The following IKZF1 variants were observed in gnomAD, a reference collection of about 807,000 sequenced individuals.
IKZF1 encodes IKAROS family zinc finger 1, also known as DNA-binding protein Ikaros.
Under a neutral mutation model 51.7 loss-of-function variants are expected in IKZF1, and 10 were observed. The observed-to-expected ratio is 0.19, with a 90% CI of 0.12 to 0.33. The LOEUF is 0.33. Ranked by LOEUF, IKZF1 falls within the 10% of genes least tolerant of loss-of-function variation. IKZF1 has a pLI of 1.00. For missense variants in IKZF1, 484 were observed against 707.5 expected, an observed-to-expected ratio of 0.68 and a Z score of 3.58; for synonymous variants, 280 against 282.3, an observed-to-expected ratio of 0.99 and a Z score of 0.08.
chr7:50,389,633 T>A (rs76739854), intron 6 of IKZF1, among the ~76,000 whole-genome samples: 368 of 152,340 alleles, frequency 2.4e-3, no homozygotes, highest in African/African-American at 8.5e-3. Context: ...ATCATAAATA[T>A]CTTTCGACAG....
At chr7:50,339,569 T>C (rs1290423414) in intron 3 of IKZF1, among the ~76,000 whole-genome samples, 2 of 151,662 alleles carry the variant, frequency 1.3e-5, no homozygotes, top group African/African-American at 2.4e-5. Context: ...GCCAATATGG[T>C]GAAACCCCAT....
chr7:50,314,364 C>G (rs1790957464), intron 1 of IKZF1, among the ~76,000 whole-genome samples: 1 of 152,202 alleles, frequency 6.6e-6, no homozygotes. Flanking sequence ...CCTGCCTCGG[C>G]CTCCCAAAGT....
At chr7:50,386,214 G>T (rs1031672986) in intron 5 of IKZF1, among the ~76,000 whole-genome samples, 53 of 152,176 alleles carry the variant, frequency 3.5e-4, no homozygotes, top group African/African-American at 1.3e-3. Context: ...ATTAATTCCT[G>T]GCTAGTCTTT....
chr7:50,385,225 GA>G (rs1813014606), intron 5 of IKZF1, among the ~76,000 whole-genome samples: 3 of 152,086 alleles, frequency 2.0e-5, no homozygotes, highest in African/African-American at 2.4e-5. Flanking sequence ...TGCTCTTGGG[GA>G]AAAAAACAGT....
At chr7:50,388,916 G>A (rs1470155784) in intron 6 of IKZF1, among the ~76,000 whole-genome samples, 3 of 152,084 alleles carry the variant, frequency 2.0e-5, no homozygotes, top group South Asian at 4.1e-4. Context: ...TATTCACTGA[G>A]GACTTATAAT....
In IKZF1 at chr7:50,401,664, C is replaced by T. The variant is rs1480517732; in HGVS notation, c.*1037C>T. The T allele has an allele frequency of 4.6e-6, 1 of 219,076 alleles. No individual in the cohort carries two copies. Among genetic ancestry groups the T allele is most frequent in the East Asian group, 6.7e-5 (1 of 15,036 alleles). 13.6% of individuals were successfully genotyped at this position (219,076 alleles called of 1,614,324 possible). On this transcript the variant is annotated 3_prime_UTR_variant, in exon 8 of 8. Transcript: ENST00000331340. ...TCCTAGCCCTCATTTTAATTATGTA[C>T]ATCTGTTTGTAGCCACAAGCCTGAA...
chr7:50,361,739 G>A (rs577556816), intron 3 of IKZF1, among the ~76,000 whole-genome samples: 1 of 152,146 alleles, frequency 6.6e-6, no homozygotes, highest in Non-Finnish European at 1.5e-5. Flanking sequence ...AGCTGGGCAT[G>A]GTGGTGCGCG....
Position 50,396,146 on chromosome 7 carries a change from T to G in IKZF1, c.851-3772T>G, listed in dbSNP as rs181727080. 4.6e-5 allele frequency among the ~76,000 whole-genome samples: 7 copies of G among 152,262 alleles called. No homozygotes were observed. In the East Asian group the frequency reaches 1.2e-3, roughly 25 times the overall value. On this transcript the variant is annotated intron_variant, in intron 7 of 7. Transcript: ENST00000331340. ...GGAAATTCTCTTTTATATAAATATG[T>G]TTTGTTCCATCTATTGTGATCTCTG...
chr7:50,319,066 A>G lies in IKZF1; in HGVS notation c.5A>G (p.Asp2Gly). ...TTCTCAGATAACCTGAGGACCATGG[A>G]TGCTGATGAGGGTCAAGACATGTCC... M[D>G]ADEGQDMSQV... Residue 2 changes from aspartate to glycine, a missense_variant, in exon 2 of 8, where the codon GAT becomes GGT. By Grantham distance (94) the Asp-to-Gly change is moderately conservative (BLOSUM62 -1). This residue lies in a region of IKZF1 where 118 missense variants were observed against 138.4 expected (regional missense o/e 0.85). Coordinates refer to ENST00000331340, the MANE Select transcript of IKZF1 (RefSeq NM_006060.6). The G allele has an allele frequency of 6.2e-7, 1 of 1,613,188 alleles. No homozygotes were observed. Among genetic ancestry groups the G allele is most frequent in the Non-Finnish European group, 8.5e-7 (1 of 1,179,210 alleles).
intron 1 of IKZF1, among the ~76,000 whole-genome samples, chr7:50,310,409 A>T (rs976698756): frequency 2.0e-5 from 3 of 152,232 alleles, no homozygotes; most frequent in African/African-American, 7.2e-5. Flanking sequence ...TCTCTTATGG[A>T]CAGGAGCATT....
chr7:50,351,975 A>C (rs2153431704), intron 3 of IKZF1, among the ~76,000 whole-genome samples: 1 of 152,344 alleles, frequency 6.6e-6, no homozygotes, highest in South Asian at 2.1e-4. Context: ...CAGGGAGTTA[A>C]TTTGTGGGCA....
chr7:50,392,793 G>C (rs1416805426), intron 7 of IKZF1, among the ~76,000 whole-genome samples: 1 of 152,206 alleles, frequency 6.6e-6, no homozygotes, highest in African/African-American at 2.4e-5. Context: ...CATTCTAGGT[G>C]TTGGAGGAAT....
intron 7 of IKZF1, 52 bp downstream of exon 7, chr7:50,391,915 A>T: frequency 6.4e-7 from 1 of 1,561,060 alleles, no homozygotes; most frequent in Non-Finnish European, 8.7e-7. Context: ...TGGGTGTTTT[A>T]GATGCAAGTA....
At chr7:50,332,919 A>G (rs955735747) in intron 3 of IKZF1, among the ~76,000 whole-genome samples, 16 of 152,124 alleles carry the variant, frequency 1.1e-4, no homozygotes, top group African/African-American at 1.7e-4. Context: ...GGGGATCGCC[A>G]TGGTTTCATG....
Position 50,327,731 on chromosome 7 carries a change from A to C in IKZF1, c.134A>C (p.Gln45Pro). 1 of 1,613,454 alleles carries C rather than the reference A, an allele frequency of 6.2e-7. No individual in the cohort carries two copies. The highest frequency in any genetic ancestry group is 2.2e-5 in the East Asian group (1 of 44,864). Residue 45 changes from glutamine to proline, a missense_variant, in exon 3 of 8, where the codon CAA becomes CCA. Around this residue, in one of 6 missense-constraint regions of IKZF1, gnomAD observed 118 missense variants for 138.4 expected, o/e 0.85. Coordinates refer to ENST00000331340, the MANE Select transcript of IKZF1 (RefSeq NM_006060.6). ...CTCTCCACCACCTCGGGAGGACAGC[A>C]AAGCTCCAAGAGTGACAGAGTCGTG... Reference protein sequence around the residue: ...EDLSTTSGGQQSSKSDRVVAS... With the variant: ...EDLSTTSGGQPSSKSDRVVAS...
At chr7:50,384,303 AC>A (rs1812724043) in intron 5 of IKZF1, among the ~76,000 whole-genome samples, 1 of 152,204 alleles carries the variant, frequency 6.6e-6, no homozygotes, top group South Asian at 2.1e-4. Flanking sequence ...GAGAGGAGTC[AC>A]AGGGGCTGGT....
At chr7:50,329,317 G>T (rs1188631781) in intron 3 of IKZF1, among the ~76,000 whole-genome samples, 1 of 152,056 alleles carries the variant, frequency 6.6e-6, no homozygotes, top group Non-Finnish European at 1.5e-5. Flanking sequence ...AAGTAGAGGG[G>T]AAGAGAAATG....
intron 3 of IKZF1, chr7:50,368,630 G>A: frequency 2.8e-6 from 1 of 357,668 alleles, no homozygotes; most frequent in East Asian, 4.2e-5. Context: ...GATCTGAGCT[G>A]TTAAACCAAA....
chr7:50,339,746 CAA>C (rs1209744190), intron 3 of IKZF1, among the ~76,000 whole-genome samples: 2 of 122,406 alleles, frequency 1.6e-5, no homozygotes, highest in Non-Finnish European at 1.7e-5. Context: ...AACTCCTTCT[CAA>C]AAAAAAAAAA....
Sources: gnomAD v4.1 joint callset for allele counts (sites outside exome capture counted in the v4.1 genomes callset) on GRCh38, gnomAD v4.1.1 for gene constraint, gnomAD v4.1.1 regional missense constraint, MANE v1.5 for transcripts, NCBI Gene and HGNC (gene_info 2026-07-23, HGNC 2026-07-21) for gene names.